The following CSMD1 variants were observed in gnomAD, a reference collection of about 807,000 sequenced individuals.
CSMD1 encodes the protein CUB and Sushi multiple domains 1.
CSMD1 carries 213 observed loss-of-function variants against 417.5 expected under a neutral mutation model. That is an observed-to-expected ratio of 0.51 (90% confidence interval 0.46 to 0.57). The LOEUF is 0.57. CSMD1 is among the 20% of genes least tolerant of loss of function. The pLI is 0.00. For synonymous variants in CSMD1, 2,862 were observed against 1,736.8 expected (o/e 1.65, Z -16.11); for missense variants, 6,923 against 4,529.7 (o/e 1.53, Z -15.17).
At chr8:4,384,035 T>C (rs1233119763) in intron 3 of CSMD1, among the ~76,000 whole-genome samples, 1 of 116,312 alleles carries the variant, frequency 8.6e-6, no homozygotes, top group Admixed American at 8.9e-5. Flanking sequence ...TCATAACAGA[T>C]GTTTGGTCTT....
intron 48 of CSMD1, among the ~76,000 whole-genome samples, chr8:3,089,980 G>C (rs540733341): frequency 6.6e-6 from 1 of 152,290 alleles, no homozygotes; most frequent in Non-Finnish European, 1.5e-5. Context: ...TCTCTGAGCT[G>C]ACCATGTTTC....
intron 3 of CSMD1, among the ~76,000 whole-genome samples, chr8:4,223,534 T>C (rs763687774): frequency 1.3e-5 from 2 of 152,220 alleles, no homozygotes; most frequent in Non-Finnish European, 2.9e-5. Flanking sequence ...TGCTCGTTAA[T>C]AACCACCAGG....
chr8:3,959,225 C>T (rs1054734665), intron 5 of CSMD1, among the ~76,000 whole-genome samples: 2 of 152,180 alleles, frequency 1.3e-5, no homozygotes, highest in Admixed American at 6.6e-5. Context: ...CTAGACAGAG[C>T]AGGGTGGGAC....
chr8:3,027,319 T>C (rs760203676), intron 51 of CSMD1, among the ~76,000 whole-genome samples: 7 of 152,150 alleles, frequency 4.6e-5, no homozygotes, highest in Non-Finnish European at 7.3e-5. Flanking sequence ...CACCAGACGA[T>C]ACCAGGGCTT....
At chr8:3,009,441 C>T (rs1808213430) in intron 52 of CSMD1, among the ~76,000 whole-genome samples, 1 of 152,166 alleles carries the variant, frequency 6.6e-6, no homozygotes, top group South Asian at 2.1e-4. Flanking sequence ...TGGTCTTTGG[C>T]TAAGTCAGAG....
intron 25 of CSMD1, among the ~76,000 whole-genome samples, chr8:3,296,976 T>C (rs905881284): frequency 1.3e-5 from 2 of 152,152 alleles, no homozygotes; most frequent in Admixed American, 6.5e-5. Context: ...AACAAAGAAA[T>C]AGTTTATAAA....
chr8:3,563,442 T>TA (rs60108067), intron 10 of CSMD1, among the ~76,000 whole-genome samples: 14,565 of 62,730 alleles, frequency 0.23, 1,474 homozygotes, highest in Non-Finnish European at 0.27. Context: ...TATTAAAAGG[T>TA]AAAAAAAAAA....
intron 26 of CSMD1, among the ~76,000 whole-genome samples, chr8:3,259,436 G>GAATGAATT (rs1182741213): frequency 1.3e-5 from 2 of 152,062 alleles, no homozygotes; most frequent in Non-Finnish European, 2.9e-5. Context: ...GTGAATGAAT[G>GAATGAATT]AATGAATGAG....
intron 3 of CSMD1, among the ~76,000 whole-genome samples, chr8:4,063,235 A>G (rs534158578): frequency 2.0e-5 from 3 of 152,250 alleles, no homozygotes; most frequent in Non-Finnish European, 4.4e-5. Flanking sequence ...ATTTCAAAAT[A>G]TCACATGTAT....
chr8:4,086,009 A>T (rs919288669), intron 3 of CSMD1, among the ~76,000 whole-genome samples: 12 of 152,322 alleles, frequency 7.9e-5, no homozygotes, highest in African/African-American at 2.9e-4. Flanking sequence ...AGGAGCAAGG[A>T]CTAACAAAGG....
chr8:3,905,579 G>T (rs1173929902), intron 5 of CSMD1, among the ~76,000 whole-genome samples: 1 of 152,146 alleles, frequency 6.6e-6, no homozygotes, highest in African/African-American at 2.4e-5. Context: ...AACACAGATG[G>T]CTGGACCCCA....
chr8:4,287,880 C>T (rs1797149300), intron 3 of CSMD1, among the ~76,000 whole-genome samples: 1 of 152,020 alleles, frequency 6.6e-6, no homozygotes, highest in African/African-American at 2.4e-5. Flanking sequence ...AGGGCAGTCT[C>T]AGGACATCCC....
intron 1 of CSMD1, among the ~76,000 whole-genome samples, chr8:4,867,107 G>C (rs1802462851): frequency 6.6e-6 from 1 of 151,938 alleles, no homozygotes; most frequent in Non-Finnish European, 1.5e-5. Flanking sequence ...AGTGACCCTT[G>C]TGATATGAAC....
intron 7 of CSMD1, among the ~76,000 whole-genome samples, chr8:3,696,477 G>A (rs951877403): frequency 2.0e-5 from 3 of 152,180 alleles, no homozygotes; most frequent in African/African-American, 7.2e-5. Context: ...TAATGCAAAT[G>A]CAGTGAACCC....
At chr8:2,974,747 G>A (rs879345944) in intron 55 of CSMD1, 123 bp from the exon 56 acceptor site, 2 of 549,392 alleles carry the variant, frequency 3.6e-6, no homozygotes, top group Admixed American at 8.1e-5. Flanking sequence ...TAAATATTCT[G>A]GTACTTATGT....
intron 23 of CSMD1, among the ~76,000 whole-genome samples, chr8:3,328,416 A>T (rs763629287): frequency 6.6e-6 from 1 of 152,204 alleles, no homozygotes; most frequent in Non-Finnish European, 1.5e-5. Flanking sequence ...GTGTGACCTC[A>T]TATTGGGCAC....
chr8:4,512,338 C>G (rs914599976), intron 2 of CSMD1, among the ~76,000 whole-genome samples: 1 of 152,184 alleles, frequency 6.6e-6, no homozygotes, highest in East Asian at 1.9e-4. Context: ...TAACATTTTA[C>G]TTAATGAAAA....
chr8:3,983,365 C>G (rs1196238096), intron 5 of CSMD1, among the ~76,000 whole-genome samples: 1 of 151,994 alleles, frequency 6.6e-6, no homozygotes, highest in Non-Finnish European at 1.5e-5. Flanking sequence ...CTCCTGACCT[C>G]GTGATCCCTC....
At chr8:2,957,868 TGATA>T in intron 62 of CSMD1, 61 bp from the exon 63 acceptor site, 1 of 1,158,978 alleles carries the variant, frequency 8.6e-7, no homozygotes, top group South Asian at 1.3e-5. Context: ...TGTCAACTAG[TGATA>T]CCTGAAAGTA....
Sources: gnomAD v4.1 joint callset for allele counts (sites outside exome capture counted in the v4.1 genomes callset) on GRCh38, gnomAD v4.1.1 for gene constraint, MANE v1.5 for transcripts, NCBI Gene and HGNC (gene_info 2026-07-23, HGNC 2026-07-21) for gene names.